Variants in C3orf49 observed in about 807,000 individuals in gnomAD.
C3orf49 encodes putative uncharacterized protein C3orf49.
Under a neutral mutation model 13.3 loss-of-function variants are expected in C3orf49, and 27 were observed. The observed-to-expected ratio is 2.02, with a 90% CI of 1.49 to 2.79. C3orf49 has a LOEUF of 2.79. Among genes scored for constraint, C3orf49 ranks in the 30% most tolerant of loss-of-function variants. C3orf49 has a pLI of 0.00. For synonymous variants in C3orf49, 87 were observed against 47.6 expected, an observed-to-expected ratio of 1.83 and a Z score of -3.40; for missense variants, 242 against 134.2, an observed-to-expected ratio of 1.80 and a Z score of -3.97.
the C3orf49 span, among the ~76,000 whole-genome samples, chr3:63,797,827 G>A: frequency 6.6e-6 from 1 of 152,158 alleles, no homozygotes; most frequent in African/African-American, 2.4e-5. Flanking sequence ...AACATGTAGA[G>A]TAGCAATGGT....
rs532893465 is a variant in C3orf49 at position 63,846,287 on chromosome 3, G to A, written c.*30+1205G>A. 1,153 of 419,558 alleles carry A rather than the reference G, an allele frequency of 2.7e-3. 12 individuals are homozygous for A. The highest frequency in any genetic ancestry group is 0.012 in the South Asian group (698 of 58,394). The allele number at this position is 419,558 out of a possible 1,614,324, so 26.0% of individuals were successfully genotyped here. On this transcript the variant is annotated intron_variant, in intron 6 of 6. Transcript: ENST00000295896. ...AAAAATCAGGAGATAATCCCCAAGC[G>A]ACTTGCACTCCCTGGACAAAAATGG...
upstream of C3orf49, among the ~76,000 whole-genome samples, chr3:63,817,808 T>C (rs1031917548): frequency 1.3e-4 from 20 of 152,176 alleles, no homozygotes; most frequent in African/African-American, 4.1e-4. Flanking sequence ...CACAGAGACA[T>C]GTACATAGAC....
chr3:63,830,661 CT>C (rs1322977939), intron 3 of C3orf49, among the ~76,000 whole-genome samples: 2 of 152,128 alleles, frequency 1.3e-5, no homozygotes, highest in Non-Finnish European at 2.9e-5. Flanking sequence ...CCAGAGCTTT[CT>C]TTTTATGTTT....
the C3orf49 span, among the ~76,000 whole-genome samples, chr3:63,793,501 C>T: frequency 1.3e-5 from 2 of 152,006 alleles, no homozygotes; most frequent in African/African-American, 4.8e-5. Flanking sequence ...AAATTCATGC[C>T]TTTTTCCCCT....
the C3orf49 span, among the ~76,000 whole-genome samples, chr3:63,793,033 A>G: frequency 6.6e-6 from 1 of 152,122 alleles, no homozygotes; most frequent in African/African-American, 2.4e-5. Context: ...CTGTGTAGTG[A>G]TGCCATGAAT....
At chr3:63,848,221 G>C (rs1485937503) in intron 6 of C3orf49, 143 bp from the exon 7 acceptor site, 1 of 152,128 alleles carries the variant, frequency 6.6e-6, no homozygotes, top group East Asian at 1.9e-4. Flanking sequence ...GAGATTAAGA[G>C]TCTGGCACCT....
the C3orf49 span, among the ~76,000 whole-genome samples, chr3:63,806,159 A>G: frequency 1.3e-3 from 201 of 152,336 alleles, 1 homozygote; most frequent in African/African-American, 4.2e-3. Flanking sequence ...GTGATCAAAT[A>G]CCTCAGCTTC....
At chr3:63,803,537 C>T in the C3orf49 span, among the ~76,000 whole-genome samples, 4 of 152,238 alleles carry the variant, frequency 2.6e-5, no homozygotes, top group Non-Finnish European at 4.4e-5. Context: ...ACATGCTGCT[C>T]TCAAGGACTT....
chr3:63,839,249 C>A (rs544126746), intron 5 of C3orf49, among the ~76,000 whole-genome samples: 2 of 152,106 alleles, frequency 1.3e-5, no homozygotes, highest in African/African-American at 4.8e-5. Context: ...CAAAAGTAAT[C>A]GTGGTTTCTG....
At chr3:63,826,714 G>T (rs1481964680) in intron 2 of C3orf49, 1 of 152,154 alleles carries the variant, frequency 6.6e-6, no homozygotes, top group Non-Finnish European at 1.5e-5. Flanking sequence ...GAAGAACAGT[G>T]TAACACACAG....
chr3:63,841,721 A>C (rs1356063301), intron 5 of C3orf49, among the ~76,000 whole-genome samples: 6 of 152,224 alleles, frequency 3.9e-5, no homozygotes, highest in Admixed American at 1.3e-4. Flanking sequence ...TTAACCACCA[A>C]CATTATTATC....
At chr3:63,820,691 G>A (rs1275468371) in intron 1 of C3orf49, among the ~76,000 whole-genome samples, 1 of 152,124 alleles carries the variant, frequency 6.6e-6, no homozygotes, top group Non-Finnish European at 1.5e-5. Flanking sequence ...ATTATTAAAG[G>A]AGTCTCAGAG....
chr3:63,814,480 C>T (rs1701301916), upstream of C3orf49, among the ~76,000 whole-genome samples: 1 of 152,050 alleles, frequency 6.6e-6, no homozygotes, highest in African/African-American at 2.4e-5. Context: ...TAGGAGTCAA[C>T]TGTTGTCATG....
At chr3:63,798,680 T>C in the C3orf49 span, among the ~76,000 whole-genome samples, 7 of 152,148 alleles carry the variant, frequency 4.6e-5, no homozygotes, top group Non-Finnish European at 8.8e-5. Flanking sequence ...CAGTCATGAG[T>C]ACATGAATAG....
rs1448861209 is a variant in C3orf49 at position 63,823,426 on chromosome 3, A to C, written c.302A>C (p.Lys101Thr). ...ATGCTGTCCTACAAGTATAGAAGCA[A>C]GCCAGCATGTGCCAGCCAAGAGGGC... Reference protein sequence around the residue: ...GRMLSYKYRSKPACASQEGST... With the variant: ...GRMLSYKYRSTPACASQEGST... The change falls in exon 2 of 7, where the codon AAG becomes ACG. Residue 101 changes from lysine (K) to threonine (T), a missense_variant. By Grantham distance (78) the Lys-to-Thr change is moderately conservative (BLOSUM62 -1). Transcript: ENST00000295896. The C allele has an allele frequency of 5.7e-6, 4 of 703,274 alleles. No homozygotes were observed. The highest frequency in any genetic ancestry group is 1.0e-5 in the Non-Finnish European group (4 of 385,064). 43.6% of individuals were successfully genotyped at this position (703,274 alleles called of 1,614,324 possible).
chr3:63,793,646 G>A, the C3orf49 span, among the ~76,000 whole-genome samples: 2 of 151,722 alleles, frequency 1.3e-5, no homozygotes, highest in South Asian at 2.1e-4. Context: ...CTTGATTATC[G>A]TTTTAAAATT....
intron 1 of C3orf49, among the ~76,000 whole-genome samples, chr3:63,821,586 G>A (rs564132917): frequency 6.6e-6 from 1 of 151,964 alleles, no homozygotes; most frequent in South Asian, 2.1e-4. Context: ...ACAAAGTGTG[G>A]TACATTCACA....
chr3:63,845,867 C>T (rs1401369941), intron 6 of C3orf49, among the ~76,000 whole-genome samples: 2 of 152,088 alleles, frequency 1.3e-5, no homozygotes, highest in Non-Finnish European at 2.9e-5. Flanking sequence ...TTACAAATGG[C>T]AAAATCTTAC....
intron 5 of C3orf49, chr3:63,836,390 G>T: frequency 6.2e-7 from 1 of 1,601,690 alleles, no homozygotes; most frequent in South Asian, 1.1e-5. Context: ...ATCAAACTAA[G>T]GATTTTTTGA....
Sources: gnomAD v4.1 joint callset for allele counts (sites outside exome capture counted in the v4.1 genomes callset) on GRCh38, gnomAD v4.1.1 for gene constraint, MANE v1.5 for transcripts, NCBI Gene and HGNC (gene_info 2026-07-23, HGNC 2026-07-21) for gene names.